Variants in PACRG observed in about 807,000 individuals in gnomAD.
PACRG encodes parkin coregulated gene protein.
PACRG carries 29 observed loss-of-function variants against 29.7 expected under a neutral mutation model. The observed-to-expected ratio is 0.98, with a 90% CI of 0.73 to 1.33. The LOEUF is 1.33. PACRG is among the 40% of genes most tolerant of loss of function. The pLI is 0.00. For synonymous variants in PACRG, 116 were observed against 118.7 expected, an observed-to-expected ratio of 0.98 and a Z score of 0.15; for missense variants, 279 against 316.2, an observed-to-expected ratio of 0.88 and a Z score of 0.89.
chr6:163,041,911 G>T (rs1808763782), intron 2 of PACRG, among the ~76,000 whole-genome samples: 1 of 152,172 alleles, frequency 6.6e-6, no homozygotes, highest in Non-Finnish European at 1.5e-5. Flanking sequence ...TGTTGCCCAG[G>T]CTGGAGTGCA....
chr6:163,288,037 T>C (rs1296722185), intron 4 of PACRG, among the ~76,000 whole-genome samples: 1 of 152,238 alleles, frequency 6.6e-6, no homozygotes, highest in Non-Finnish European at 1.5e-5. Flanking sequence ...TAGACATTAT[T>C]CAAACATTTA....
intron 4 of PACRG, among the ~76,000 whole-genome samples, chr6:163,245,340 A>T (rs1172952743): frequency 6.6e-6 from 1 of 152,236 alleles, no homozygotes; most frequent in East Asian, 1.9e-4. Flanking sequence ...TTGTGCCTGA[A>T]TTATAATTAT....
chr6:162,814,274 C>A lies in PACRG; in HGVS notation c.284C>A (p.Ala95Asp), dbSNP rs1787137734. 1.2e-6 allele frequency: 2 copies of A among 1,613,358 alleles called. No homozygotes were observed. Among genetic ancestry groups the A allele is most frequent in the Non-Finnish European group, 1.7e-6 (2 of 1,179,610 alleles). ...LEHDSKGNKIAWKVEIEKLDY... is the reference protein window; with the variant it reads ...LEHDSKGNKIDWKVEIEKLDY... ...CATGATTCGAAAGGAAACAAAATCG[C>A]CTGGAAGGTAAGTCAGGGCACAGCT... is the stretch of plus-strand genomic sequence containing the variant. Residue 95 changes from alanine to aspartate, a missense_variant, in exon 2 of 5, where the codon GCC becomes GAC. Ala to Asp is a moderately radical substitution (Grantham distance 126, BLOSUM62 -2). Coordinates refer to ENST00000366888, the MANE Select transcript of PACRG (RefSeq NM_001080379.2).
intron 4 of PACRG, among the ~76,000 whole-genome samples, chr6:163,240,114 C>T (rs949012960): frequency 4.6e-5 from 7 of 152,002 alleles, no homozygotes; most frequent in Non-Finnish European, 1.0e-4. Context: ...GACGCTGGCT[C>T]GCGCACATGC....
At chr6:163,154,131 C>T (rs961869751) in intron 4 of PACRG, among the ~76,000 whole-genome samples, 8 of 152,178 alleles carry the variant, frequency 5.3e-5, no homozygotes, top group Admixed American at 5.2e-4. Context: ...TCAGGATGAC[C>T]AGAATTGGGG....
At chr6:162,870,811 T>A (rs989803541) in intron 2 of PACRG, among the ~76,000 whole-genome samples, 2 of 152,222 alleles carry the variant, frequency 1.3e-5, no homozygotes, top group Non-Finnish European at 2.9e-5. Flanking sequence ...ACATATTTAT[T>A]ACCTTTACTT....
chr6:163,288,055 T>G (rs917135904), intron 4 of PACRG, among the ~76,000 whole-genome samples: 1 of 152,226 alleles, frequency 6.6e-6, no homozygotes, highest in South Asian at 2.1e-4. Flanking sequence ...TTATTCTGTA[T>G]CATCTTTTTA....
At chr6:163,266,293 C>A (rs1288911001) in intron 4 of PACRG, among the ~76,000 whole-genome samples, 1 of 151,972 alleles carries the variant, frequency 6.6e-6, no homozygotes, top group Non-Finnish European at 1.5e-5. Flanking sequence ...GTAAGTAATA[C>A]CGGTAAATAG....
chr6:163,166,026 C>T (rs777172691), intron 4 of PACRG: 2 of 445,694 alleles, frequency 4.5e-6, no homozygotes, highest in Admixed American at 2.4e-5. Context: ...TGCCCACAAG[C>T]GCCCCGATTT....
At chr6:163,190,791 C>G (rs748981962) in intron 4 of PACRG, 1 of 333,100 alleles carries the variant, frequency 3.0e-6, no homozygotes, top group Non-Finnish European at 6.0e-6. Context: ...TCTGTGAGCC[C>G]GCTCCAAAGA....
At chr6:162,969,196 G>A (rs4543348) in intron 2 of PACRG, among the ~76,000 whole-genome samples, 102,391 of 151,928 alleles carry the variant, frequency 0.67, 34,681 homozygotes, top group East Asian at 0.79. Flanking sequence ...AGGAATGTCA[G>A]AATAATGGTA....
chr6:162,998,985 T>C (rs1562817806), intron 2 of PACRG, among the ~76,000 whole-genome samples: 1 of 152,198 alleles, frequency 6.6e-6, no homozygotes, highest in Non-Finnish European at 1.5e-5. Context: ...GTATTCCTTC[T>C]GCAGGGCATG....
chr6:163,009,343 A>T (rs1319613248), intron 2 of PACRG, among the ~76,000 whole-genome samples: 1 of 152,236 alleles, frequency 6.6e-6, no homozygotes, highest in South Asian at 2.1e-4. Flanking sequence ...TTCACTCTAT[A>T]TATTATTCCA....
intron 1 of PACRG, among the ~76,000 whole-genome samples, chr6:162,743,837 A>G (rs1780783206): frequency 6.6e-6 from 1 of 152,188 alleles, no homozygotes; most frequent in Non-Finnish European, 1.5e-5. Context: ...CTAAGGAAAA[A>G]AAACCCTTAA....
At chr6:163,160,989 A>C (rs1778532550) in intron 4 of PACRG, among the ~76,000 whole-genome samples, 1 of 152,206 alleles carries the variant, frequency 6.6e-6, no homozygotes, top group Admixed American at 6.5e-5. Context: ...GCCCAGAGCT[A>C]CTGCACGCCC....
intron 4 of PACRG, among the ~76,000 whole-genome samples, chr6:163,309,153 T>C (rs34021128): frequency 0.087 from 13,210 of 152,306 alleles, 613 homozygotes; most frequent in Non-Finnish European, 0.1. Flanking sequence ...GGAAAGAGCT[T>C]GGATCTGGCC....
At chr6:163,311,161 G>T (rs572475330) in intron 4 of PACRG, among the ~76,000 whole-genome samples, 2 of 152,208 alleles carry the variant, frequency 1.3e-5, no homozygotes, top group Non-Finnish European at 2.9e-5. Flanking sequence ...TAGGTCACAT[G>T]CCTCCTGCAT....
chr6:163,152,639 A>C (rs1301254708), intron 4 of PACRG, among the ~76,000 whole-genome samples: 1 of 152,212 alleles, frequency 6.6e-6, no homozygotes, highest in African/African-American at 2.4e-5. Context: ...TTGCATCTAC[A>C]TTCTATTTCT....
chr6:163,058,182 C>A (rs1810755650), intron 2 of PACRG, among the ~76,000 whole-genome samples: 1 of 152,116 alleles, frequency 6.6e-6, no homozygotes, highest in Non-Finnish European at 1.5e-5. Context: ...AAAGAATTTT[C>A]TTGACTCTTC....
Sources: allele counts gnomAD v4.1 joint callset (sites outside exome capture counted in the v4.1 genomes callset), GRCh38; gene constraint gnomAD v4.1.1; transcripts MANE v1.5; gene names NCBI Gene and HGNC (gene_info 2026-07-23, HGNC 2026-07-21).